Variants in PLXNB1 observed in about 807,000 individuals in gnomAD.
PLXNB1 encodes the protein plexin B1.
PLXNB1 carries 106 observed loss-of-function variants against 209.4 expected under a neutral mutation model. The ratio of observed to expected loss-of-function variants is 0.51; its 90% CI spans 0.43 to 0.59. The LOEUF is 0.59. Ranked by LOEUF, PLXNB1 falls within the 20% of genes least tolerant of loss-of-function variation. The pLI is 0.00. For missense variants in PLXNB1, 2,357 were observed against 2,853.2 expected (o/e 0.83, Z 3.96); for synonymous variants, 1,167 against 1,183.2 (o/e 0.99, Z 0.28).
At position 48,404,164 on chromosome 3, in the gene PLXNB1, G is replaced by A. The variant is rs76859970; in HGVS notation, c.*322C>T. ...CAGTGTGGCCAAGGCCAGTGTTCAG[G>A]AACAGTACAGTCTCCCCAGGGGCCT... On this transcript the variant is annotated 3_prime_UTR_variant, in exon 38 of 38. Transcript: ENST00000296440. 0.01 allele frequency: 3,041 copies of A among 295,336 alleles called. 67 individuals carry two copies. The highest frequency in any genetic ancestry group is 0.053 in the African/African-American group (2,457 of 46,432). The allele number at this position is 295,336 out of a possible 1,614,324, so 18.3% of individuals were successfully genotyped here.
Position 48,420,196 on chromosome 3 carries a change from G to C in PLXNB1, c.2090C>G (p.Ala697Gly). 1 of 1,568,826 alleles carries C rather than the reference G, an allele frequency of 6.4e-7. No individual in the cohort carries two copies. Among genetic ancestry groups the C allele is most frequent in the Non-Finnish European group, 8.6e-7 (1 of 1,156,808 alleles). Residue 697 changes from alanine (A) to glycine (G), a missense_variant, in exon 11 of 38, where the codon GCC (alanine) becomes GGC (glycine). Transcript: ENST00000296440. ...RGGPSPSPPT[A>G]PKALATPAPD... ...AGCAGGGGTGGCCAGGGCTTTGGGGGCTGTGGGTGGGGAGGGGCTGGGTCC... is the reference window on the plus strand; with the variant it reads ...AGCAGGGGTGGCCAGGGCTTTGGGGCCTGTGGGTGGGGAGGGGCTGGGTCC...
chr3:48,421,502 A>G (rs2106932220), intron 7 of PLXNB1, 118 bp from the exon 8 acceptor site: 4 of 1,268,766 alleles, frequency 3.2e-6, no homozygotes, highest in East Asian at 4.8e-5. Flanking sequence ...GGCCTCCCCA[A>G]ACACCCTCTG....
chr3:48,423,595 G>A lies in PLXNB1; in HGVS notation c.1017C>T (p.Ala339=), dbSNP rs1174234584. 1 of 1,614,240 alleles carries A rather than the reference G, an allele frequency of 6.2e-7. No individual in the cohort carries two copies. Among genetic ancestry groups the A allele is most frequent in the East Asian group, 2.2e-5 (1 of 44,878 alleles). ...VDRLANRTRD[A]CYTREGRAED... is the part of the protein sequence containing the mutation. ...CAGCACGACCCTCCCGGGTGTAGCA[G>A]GCATCTCGCGTGCGATTAGCAAGCC... Residue 339 remains alanine, a synonymous_variant, in exon 3 of 38, where the codon GCC becomes GCT. Coordinates refer to ENST00000296440, the MANE Select transcript of PLXNB1 (RefSeq NM_001130082.3).
chr3:48,404,536 G>T lies in PLXNB1; in HGVS notation c.6358C>A (p.Arg2120=), dbSNP rs747184256. 3 of 1,613,808 alleles carry T rather than the reference G, an allele frequency of 1.9e-6. No homozygotes were observed. The highest frequency in any genetic ancestry group is 2.7e-5 in the African/African-American group (2 of 75,022). The change falls in exon 38 of 38, where the codon CGG becomes AGG. Residue 2120 remains arginine (R), a synonymous_variant. Coordinates refer to ENST00000296440, the MANE Select transcript of PLXNB1 (RefSeq NM_001130082.3). ...ACAGCAGCTGCAATCTGCTGGAGCC[G>T]ATAGCCCAGCTGCATCTTCTGGGCC... ...GTAQKMQLGY[R]LQQIAAAVEN...
rs2037984651 is a variant in PLXNB1, at chr3:48,415,072, G to A, written c.3967-31C>T. 6.2e-7 allele frequency: 1 copy of A among 1,609,736 alleles called. No homozygotes were observed. The highest frequency in any genetic ancestry group is 8.5e-7 in the Non-Finnish European group (1 of 1,177,178). Reference sequence around the variant, plus strand: ...AGGAAGACAGGCAGGTTGACGAGGGGCCAAGCAAAGATGGGAAGAGCCTCC... The same window carrying A: ...AGGAAGACAGGCAGGTTGACGAGGGACCAAGCAAAGATGGGAAGAGCCTCC... On this transcript the variant is annotated intron_variant, in intron 20 of 37. Coordinates refer to ENST00000296440, the MANE Select transcript of PLXNB1 (RefSeq NM_001130082.3). This position sits in a 1 kb window ranked among gnomAD's most constrained non-coding sequence, Gnocchi z 5.0.
chr3:48,415,427 T>A lies in PLXNB1; in HGVS notation c.3795-80A>T. 6.7e-7 allele frequency: 1 copy of A among 1,497,644 alleles called. No individual in the cohort carries two copies. The highest frequency in any genetic ancestry group is 9.1e-7 in the Non-Finnish European group (1 of 1,099,972). 92.8% of individuals were successfully genotyped at this position (1,497,644 alleles called of 1,614,324 possible). On this transcript the variant is annotated intron_variant, in intron 19 of 37. Coordinates refer to ENST00000296440, the MANE Select transcript of PLXNB1 (RefSeq NM_001130082.3). The surrounding 1 kb of genome is among the most constrained non-coding windows in gnomAD (Gnocchi z 5.0). ...AAAGCACAGCCCAGTCCCGGCTAGG[T>A]CAGCTCAGCCCCAGCCCCAAACCAC...
Position 48,420,959 on chromosome 3 carries a change from G to A in PLXNB1, c.1811-3C>T. The A allele has an allele frequency of 1.2e-6, 2 of 1,610,316 alleles. No homozygotes were observed. The highest frequency in any genetic ancestry group is 2.2e-5 in the South Asian group (2 of 90,932). Reference sequence around the variant, plus strand: ...CTCCACGCTCACGGATACGTAGTCTGCAGAGGGGGAGAGAGGGCCAGGGTT... The same window carrying A: ...CTCCACGCTCACGGATACGTAGTCTACAGAGGGGGAGAGAGGGCCAGGGTT... On this transcript the variant is annotated splice_region_variant and splice_polypyrimidine_tract_variant and intron_variant, in intron 8 of 37. Coordinates refer to ENST00000296440, the MANE Select transcript of PLXNB1 (RefSeq NM_001130082.3).
rs1289999433 is a variant in PLXNB1 at position 48,411,815 on chromosome 3, C to T, written c.5247+48G>A. On this transcript the variant is annotated intron_variant, in intron 28 of 37. Coordinates refer to ENST00000296440, the MANE Select transcript of PLXNB1 (RefSeq NM_001130082.3). The surrounding 1 kb of genome is among the most constrained non-coding windows in gnomAD (Gnocchi z 4.0). ...CACACACCCACACACTCTCCACCCT[C>T]GCCCTCACCGCACTCAGACTGCAGG... The T allele has an allele frequency of 8.1e-6, 13 of 1,597,662 alleles. No homozygotes were observed. The highest frequency in any genetic ancestry group is 1.1e-5 in the Non-Finnish European group (13 of 1,171,024).
rs1217674353 is a variant in PLXNB1 at position 48,424,531 on chromosome 3, T to C, written c.81A>G (p.Ala27=). The change falls in exon 3 of 38, where the codon GCA becomes GCG. Residue 27 remains alanine (A), a synonymous_variant. Transcript: ENST00000296440. ...GCAGATACGTGCCATTGGGAGTGAATGCAGTTGGTGGAAGGGGCTGGAGGG... is the reference window on the plus strand; with the variant it reads ...GCAGATACGTGCCATTGGGAGTGAACGCAGTTGGTGGAAGGGGCTGGAGGG... ...VLTLQPLPPT[A]FTPNGTYLQH... 2 of 1,591,310 alleles carry C rather than the reference T, an allele frequency of 1.3e-6. No individual in the cohort carries two copies. The highest frequency in any genetic ancestry group is 1.1e-5 in the South Asian group (1 of 87,696).
chr3:48,424,195 G>T lies in PLXNB1; in HGVS notation c.417C>A (p.Asp139Glu). 6.3e-7 allele frequency: 1 copy of T among 1,591,580 alleles called. No homozygotes were observed. Residue 139 changes from aspartate to glutamate, a missense_variant, in exon 3 of 38, where the codon GAC becomes GAA. Around this residue, in one of 7 missense-constraint regions of PLXNB1, gnomAD observed 404 missense variants for 443.6 expected, o/e 0.91. Transcript: ENST00000296440. ...QLLLRPERPGDTQYVAANDPA... is the reference protein window; with the variant it reads ...QLLLRPERPGETQYVAANDPA... ...GATCATTGGCAGCCACATATTGTGT[G>T]TCCCCAGGCCGCTCTGGCCGCAGCA...
chr3:48,419,532 C>A lies in PLXNB1; in HGVS notation c.2709+45G>T. On this transcript the variant is annotated intron_variant, in intron 11 of 37. Transcript: ENST00000296440. This position sits in a 1 kb window ranked among gnomAD's most constrained non-coding sequence, Gnocchi z 5.7. ...AAGGCAAGCTAGGGGTAGCATCTTC[C>A]CCACATCCCCTCCCCTGAGGCCTCC... 6.4e-7 allele frequency: 1 copy of A among 1,556,582 alleles called. No homozygotes were observed.
chr3:48,418,349 A>G lies in PLXNB1; in HGVS notation c.3064T>C (p.Cys1022Arg), dbSNP rs1182356140. ...CTGCAGTCTCCATGTCCCACGGAACAGTCATACAGTACCACTGGGGGTGGC... is the reference window on the plus strand; with the variant it reads ...CTGCAGTCTCCATGTCCCACGGAACGGTCATACAGTACCACTGGGGGTGGC... ...AEGLHVVLYD[C>R]SVGHGDCSRC... The change falls in exon 15 of 38, where the codon TGT becomes CGT. Residue 1022 changes from cysteine (C) to arginine (R), a missense_variant. Physicochemically the swap from Cys to Arg is radical, Grantham distance 180. Coordinates refer to ENST00000296440, the MANE Select transcript of PLXNB1 (RefSeq NM_001130082.3). This position sits in a 1 kb window ranked among gnomAD's most constrained non-coding sequence, Gnocchi z 6.6. 4 of 1,613,724 alleles carry G rather than the reference A, an allele frequency of 2.5e-6. No homozygotes were observed. Among genetic ancestry groups the G allele is most frequent in the Non-Finnish European group, 3.4e-6 (4 of 1,180,038 alleles).
Position 48,409,599 on chromosome 3 carries a change from C to A in PLXNB1, c.5911G>T (p.Asp1971Tyr). 1 of 1,613,908 alleles carries A rather than the reference C, an allele frequency of 6.2e-7. No homozygotes were observed. Among genetic ancestry groups the A allele is most frequent in the Non-Finnish European group, 8.5e-7 (1 of 1,179,956 alleles). The change falls in exon 33 of 38, where the codon GAC becomes TAC. Residue 1971 changes from aspartate (D) to tyrosine (Y), a missense_variant. Transcript: ENST00000296440. This position sits in a 1 kb window ranked among gnomAD's most constrained non-coding sequence, Gnocchi z 5.8. ...TTGGTCTTCCAGATGTGGATGGTGT[C>A]CTGGTCGGAGATGCCATGCTGCTGG... is the stretch of plus-strand genomic sequence containing the variant. ...QAQQHGISDQDTIHIWKTNSL... is the reference protein window; with the variant it reads ...QAQQHGISDQYTIHIWKTNSL...
chr3:48,424,465 C>T lies in PLXNB1; in HGVS notation c.147G>A (p.Leu49=), dbSNP rs1236825567. 1 of 1,598,874 alleles carries T rather than the reference C, an allele frequency of 6.3e-7. No homozygotes were observed. The highest frequency in any genetic ancestry group is 2.3e-5 in the East Asian group (1 of 44,024). Residue 49 remains leucine, a synonymous_variant, in exon 3 of 38, where the codon CTG becomes CTA. Coordinates refer to ENST00000296440, the MANE Select transcript of PLXNB1 (RefSeq NM_001130082.3). ...ARDPTSGTLY[L]GATNFLFQLS... ...GCTGGAACAGGAAGTTGGTAGCCCC[C>T]AGGTAGAGGGTGCCTGAGGTGGGGT...
At chr3:48,421,156 C>T in intron 8 of PLXNB1, 72 bp downstream of exon 8, 4 of 1,537,058 alleles carry the variant, frequency 2.6e-6, no homozygotes, top group Non-Finnish European at 3.5e-6. Flanking sequence ...TGCCTGGATT[C>T]ACACTTTAAC....
chr3:48,410,251 C>A lies in PLXNB1; in HGVS notation c.5605+45G>T. The stretch of plus-strand genomic sequence containing the variant: ...AGAGGACCTTCCCCATGACTCCGGG[C>A]TGGGCACAGCAGGGGCAGAGGACCG... On this transcript the variant is annotated intron_variant, in intron 31 of 37. Transcript: ENST00000296440. This position sits in a 1 kb window ranked among gnomAD's most constrained non-coding sequence, Gnocchi z 6.4. 1.3e-6 allele frequency: 2 copies of A among 1,532,342 alleles called. No individual in the cohort carries two copies. Among genetic ancestry groups the A allele is most frequent in the Non-Finnish European group, 1.8e-6 (2 of 1,122,318 alleles). 94.9% of individuals were successfully genotyped at this position (1,532,342 alleles called of 1,614,324 possible).
Position 48,409,435 on chromosome 3 carries a change from T to C in PLXNB1, c.5981A>G (p.Gln1994Arg). The C allele has an allele frequency of 6.2e-7, 1 of 1,614,136 alleles. No homozygotes were observed. Reference protein sequence around the residue: ...RFWINIIKNPQFVFDVQTSDN... With the variant: ...RFWINIIKNPRFVFDVQTSDN... Reference sequence around the variant, plus strand: ...AGATGTTTGCACGTCGAACACAAACTGCGGGTTTTTTATTATATTGATCCA... The same window carrying C: ...AGATGTTTGCACGTCGAACACAAACCGCGGGTTTTTTATTATATTGATCCA... The change falls in exon 34 of 38, where the codon CAG becomes CGG. Residue 1994 changes from glutamine to arginine, a missense_variant. Gln to Arg is a conservative substitution (Grantham distance 43). Around this residue, in one of 7 missense-constraint regions of PLXNB1, gnomAD observed 414 missense variants for 520.5 expected, o/e 0.80. Coordinates refer to ENST00000296440, the MANE Select transcript of PLXNB1 (RefSeq NM_001130082.3). This position sits in a 1 kb window ranked among gnomAD's most constrained non-coding sequence, Gnocchi z 5.8.
At position 48,415,828 on chromosome 3, in the gene PLXNB1, T is replaced by C. The variant is rs1389536492; in HGVS notation, c.3618-69A>G. 3 of 1,454,244 alleles carry C rather than the reference T, an allele frequency of 2.1e-6. No individual in the cohort carries two copies. The highest frequency in any genetic ancestry group is 2.8e-6 in the Non-Finnish European group (3 of 1,077,708). 90.1% of individuals were successfully genotyped at this position (1,454,244 alleles called of 1,614,324 possible). On this transcript the variant is annotated intron_variant, in intron 18 of 37. Transcript: ENST00000296440. This position sits in a 1 kb window ranked among gnomAD's most constrained non-coding sequence, Gnocchi z 5.0. ...AAACTTGGACCACTCAGGCCCCAAC[T>C]GGCTTCCCTCAAGCGCTGACTGCAG...
In PLXNB1 at chr3:48,414,017, C is replaced by G; in HGVS notation, c.4264G>C (p.Asp1422His). 2 of 1,614,000 alleles carry G rather than the reference C, an allele frequency of 1.2e-6. No individual in the cohort carries two copies. The highest frequency in any genetic ancestry group is 1.7e-6 in the Non-Finnish European group (2 of 1,179,990). The change falls in exon 22 of 38, where the codon GAT (aspartate) becomes CAT (histidine). Residue 1422 changes from aspartate to histidine, a missense_variant. Physicochemically the swap from Asp to His is moderately conservative, Grantham distance 81. Transcript: ENST00000296440. ...AGCGTCTTCACCACACAGGGGCCATCCCCTATCATAGCCACCACCTCCTCC... is the reference window on the plus strand; with the variant it reads ...AGCGTCTTCACCACACAGGGGCCATGCCCTATCATAGCCACCACCTCCTCC... The part of the protein sequence containing the change: ...SKEEVVAMIG[D>H]GPCVVKTLTR...
Sources: allele counts gnomAD v4.1 joint callset, GRCh38; gene constraint gnomAD v4.1.1; regional missense constraint gnomAD v4.1.1; non-coding constraint Gnocchi (gnomAD v3.1); transcripts MANE v1.5; gene names NCBI Gene and HGNC (gene_info 2026-07-23, HGNC 2026-07-21).